MAPRE2: variants seen among roughly 807,000 people sequenced by gnomAD.
The protein encoded by MAPRE2 is microtubule-associated protein RP/EB family member 2.
MAPRE2 carries 13 observed loss-of-function variants against 43.2 expected under a neutral mutation model. The observed-to-expected ratio is 0.30, with a 90% CI of 0.20 to 0.48. The LOEUF is 0.48. Among genes scored for constraint, MAPRE2 ranks in the 20% least tolerant of loss-of-function variants. The probability of loss-of-function intolerance (pLI) is 0.99; values close to 1 mark genes in which losing one functional copy is unlikely to be tolerated. For synonymous variants in MAPRE2, 135 were observed against 148.8 expected, an observed-to-expected ratio of 0.91 and a Z score of 0.68; for missense variants, 161 against 400.2, an observed-to-expected ratio of 0.40 and a Z score of 5.10.
At chr18:35,051,152 T>C (rs1239503938) in intron 1 of MAPRE2, among the ~76,000 whole-genome samples, 1 of 152,060 alleles carries the variant, frequency 6.6e-6, no homozygotes, top group Non-Finnish European at 1.5e-5. Context: ...AGAGTTTAGT[T>C]CTCTGCCTCC....
At chr18:35,103,523 TG>T (rs1210210681) in intron 4 of MAPRE2, among the ~76,000 whole-genome samples, 1 of 152,162 alleles carries the variant, frequency 6.6e-6, no homozygotes, top group African/African-American at 2.4e-5. Flanking sequence ...ATTTTTGTGT[TG>T]GGGGTGGTGC....
intron 2 of MAPRE2, among the ~76,000 whole-genome samples, chr18:35,035,410 C>G (rs1338400748): frequency 6.6e-6 from 1 of 151,516 alleles, no homozygotes; most frequent in East Asian, 1.9e-4. Context: ...ATACCTAATG[C>G]TAAATGACGA....
intron 2 of MAPRE2, among the ~76,000 whole-genome samples, chr18:35,031,475 C>T (rs902217162): frequency 6.6e-6 from 1 of 152,154 alleles, no homozygotes; most frequent in African/African-American, 2.4e-5. Flanking sequence ...TTCAAAAGTA[C>T]ATTTTTGTTT....
At position 35,024,080 on chromosome 18, in the gene MAPRE2, A is replaced by G. The variant is rs75699923; in HGVS notation, c.-8+18527A>G. Among the ~76,000 whole-genome samples, 1,375 of 152,352 alleles carry G rather than the reference A, an allele frequency of 9.0e-3. 14 individuals carry two copies. The highest frequency in any genetic ancestry group is 0.017 in the South Asian group (80 of 4,832). On this transcript the variant is annotated intron_variant, in intron 2 of 7. Coordinates refer to the MAPRE2 transcript ENST00000413393. Reference sequence around the variant, plus strand: ...ATAATTTTTTGGTCATAATGTTCATATAAACAAAGCGTTGATGCTTCAGGC... The same window carrying G: ...ATAATTTTTTGGTCATAATGTTCATGTAAACAAAGCGTTGATGCTTCAGGC...
chr18:35,016,082 G>A (rs2097038060), intron 2 of MAPRE2, among the ~76,000 whole-genome samples: 1 of 151,896 alleles, frequency 6.6e-6, no homozygotes, highest in Non-Finnish European at 1.5e-5. Flanking sequence ...AATTTGCCCA[G>A]GATAATGGCC....
At chr18:35,069,817 G>A (rs750581716) in intron 1 of MAPRE2, among the ~76,000 whole-genome samples, 1 of 152,244 alleles carries the variant, frequency 6.6e-6, no homozygotes, top group South Asian at 2.1e-4. Context: ...CCAAGTCTTT[G>A]TAGTGAGTAC....
intron 2 of MAPRE2, among the ~76,000 whole-genome samples, chr18:35,006,122 G>C (rs559729769): frequency 5.9e-5 from 9 of 152,234 alleles, no homozygotes; most frequent in African/African-American, 1.9e-4. Context: ...GTCTTCAAGA[G>C]TCACCTCCAG....
chr18:34,980,087 C>T (rs1182590519), intron 1 of MAPRE2, among the ~76,000 whole-genome samples: 12 of 137,896 alleles, frequency 8.7e-5, no homozygotes, highest in Non-Finnish European at 6.1e-5. Context: ...CCCAGGCTGG[C>T]ACGATTTCGG....
At chr18:35,065,499 C>T (rs1245760525) in intron 1 of MAPRE2, among the ~76,000 whole-genome samples, 1 of 152,014 alleles carries the variant, frequency 6.6e-6, no homozygotes, top group Non-Finnish European at 1.5e-5. Context: ...GTGTTCCTCC[C>T]TTATCTCCTG....
chr18:35,100,487 C>T (rs1334862662), intron 3 of MAPRE2, among the ~76,000 whole-genome samples: 2 of 152,142 alleles, frequency 1.3e-5, no homozygotes, highest in East Asian at 1.9e-4. Flanking sequence ...GAGTAGAAAT[C>T]GTTCTACCTT....
Position 35,141,024 on chromosome 18 carries a change from CA to C in MAPRE2, c.*656del, listed in dbSNP as rs1027735599. The C allele has an allele frequency of 2.5e-4, 38 of 152,270 alleles. No individual in the cohort carries two copies. Among genetic ancestry groups the C allele is most frequent in the African/African-American group, 9.2e-4 (38 of 41,438 alleles). 9.4% of individuals were successfully genotyped at this position (152,270 alleles called of 1,614,324 possible). A position where few individuals can be genotyped will look rare whatever the true frequency, so the allele number is the denominator to read the frequency against. ...CCTCCATCAGCATGTTAGACAACTA[CA>C]CAGTATGTTGTTAGTTTTGAAAGAC... On this transcript the variant is annotated 3_prime_UTR_variant, in exon 7 of 7. Transcript: ENST00000300249.
chr18:35,088,209 T>C (rs553192), intron 2 of MAPRE2, among the ~76,000 whole-genome samples: 51,741 of 151,958 alleles, frequency 0.34, 12,218 homozygotes, highest in African/African-American at 0.66. Flanking sequence ...AAAAGAGTGC[T>C]TAGAAGGCTA....
chr18:35,005,611 A>T, intron 2 of MAPRE2: 1 of 1,061,830 alleles, frequency 9.4e-7, no homozygotes, highest in Non-Finnish European at 1.4e-6. Flanking sequence ...ATTTAAAGTG[A>T]GTAGTAATAT....
chr18:35,134,446 A>G (rs1910296297), intron 6 of MAPRE2, among the ~76,000 whole-genome samples: 1 of 152,232 alleles, frequency 6.6e-6, no homozygotes. Context: ...ACTTATCTAC[A>G]TTTTACAGAT....
intron 2 of MAPRE2, among the ~76,000 whole-genome samples, chr18:35,010,639 A>G (rs2097034104): frequency 6.6e-6 from 1 of 152,166 alleles, no homozygotes; most frequent in South Asian, 2.1e-4. Context: ...ATAAGGGTAC[A>G]TTTATAAACT....
At chr18:35,131,098 C>A (rs1443454685) in intron 5 of MAPRE2, among the ~76,000 whole-genome samples, 1 of 152,208 alleles carries the variant, frequency 6.6e-6, no homozygotes, top group African/African-American at 2.4e-5. Context: ...ATCCACTCAG[C>A]CAGGCTTTGG....
At chr18:35,081,181 C>A (rs143467513) in intron 2 of MAPRE2, among the ~76,000 whole-genome samples, 1 of 152,212 alleles carries the variant, frequency 6.6e-6, no homozygotes, top group East Asian at 1.9e-4. Flanking sequence ...ATTTAAAAAC[C>A]TCACAGAAAT....
intron 6 of MAPRE2, among the ~76,000 whole-genome samples, chr18:35,135,266 T>A (rs1910334787): frequency 6.6e-6 from 1 of 152,112 alleles, no homozygotes; most frequent in Non-Finnish European, 1.5e-5. Flanking sequence ...TAAACCTTGG[T>A]TTTTATGCAG....
intron 1 of MAPRE2, among the ~76,000 whole-genome samples, chr18:35,044,355 C>G (rs1457525528): frequency 6.6e-6 from 1 of 152,202 alleles, no homozygotes; most frequent in Non-Finnish European, 1.5e-5. Context: ...CTCAGCCTCA[C>G]GAGTAGCTGG....
Sources: allele counts gnomAD v4.1 joint callset (sites outside exome capture counted in the v4.1 genomes callset), GRCh38; gene constraint gnomAD v4.1.1; transcripts MANE v1.5; gene names NCBI Gene and HGNC (gene_info 2026-07-23, HGNC 2026-07-21).